KAZN: variants seen among roughly 807,000 people sequenced by gnomAD.
The protein encoded by KAZN is kazrin, periplakin interacting protein.
Under a neutral mutation model 87.4 loss-of-function variants are expected in KAZN, and 40 were observed. The observed-to-expected ratio is 0.46, with a 90% confidence interval of 0.36 to 0.60. The LOEUF is 0.60. Ranked by LOEUF, KAZN falls within the 20% of genes least tolerant of loss-of-function variation. The probability of loss-of-function intolerance (pLI) is 0.00; values close to 1 mark genes in which losing one functional copy is unlikely to be tolerated. For synonymous variants in KAZN, 466 were observed against 458.3 expected (o/e 1.02, Z -0.22); for missense variants, 898 against 1,073.9 (o/e 0.84, Z 2.29).
intron 6 of KAZN, 108 bp from the exon 7 acceptor site, chr1:15,063,464 T>G: frequency 1.1e-6 from 1 of 942,772 alleles, no homozygotes; most frequent in Non-Finnish European, 1.7e-6. Context: ...GGGTGGCCCC[T>G]GAGAGATGGC....
chr1:14,363,330 A>T (rs1427082616), intron 2 of KAZN, among the ~76,000 whole-genome samples: 1 of 152,170 alleles, frequency 6.6e-6, no homozygotes, highest in Non-Finnish European at 1.5e-5. Flanking sequence ...GGATGTTCTA[A>T]GGGCCTAGTA....
intron 2 of KAZN, among the ~76,000 whole-genome samples, chr1:14,573,814 C>G (rs1215086713): frequency 1.3e-5 from 2 of 151,994 alleles, no homozygotes; most frequent in African/African-American, 4.8e-5. Context: ...AAGATTGTCA[C>G]TTTTGAGGAT....
chr1:14,566,276 G>A (rs1032241010), intron 2 of KAZN, among the ~76,000 whole-genome samples: 4 of 152,172 alleles, frequency 2.6e-5, no homozygotes, highest in African/African-American at 9.7e-5. Context: ...CCTTGTCAAC[G>A]ACCAGTAATA....
In KAZN at chr1:14,887,836, A is replaced by G. The variant is rs539107599; in HGVS notation, c.227-72848A>G. Among the ~76,000 whole-genome samples the G allele has an allele frequency of 7.8e-4, 119 of 151,936 alleles. 1 individual carries two copies. Among genetic ancestry groups the G allele is most frequent in the African/African-American group, 2.8e-3 (114 of 41,444 alleles). On this transcript the variant is annotated intron_variant, in intron 1 of 14. Transcript: ENST00000376030. ...TTTCTCTGTCTCCATAATGATCTTT[A>G]TCATTAGGATGGATTAATTTCTCAT...
chr1:14,390,189 C>T (rs941762587), intron 2 of KAZN, among the ~76,000 whole-genome samples: 22 of 152,058 alleles, frequency 1.4e-4, no homozygotes, highest in African/African-American at 4.8e-4. Flanking sequence ...ATGTATTGAG[C>T]CTCTACTAGG....
intron 2 of KAZN, among the ~76,000 whole-genome samples, chr1:14,197,513 C>A (rs898442112): frequency 7.3e-5 from 11 of 151,520 alleles, no homozygotes; most frequent in Non-Finnish European, 1.5e-4. Context: ...CATGGCAAAA[C>A]CCTGTCTCTA....
chr1:14,591,501 A>G (rs1277128721), intron 2 of KAZN, among the ~76,000 whole-genome samples: 1 of 152,098 alleles, frequency 6.6e-6, no homozygotes, highest in Non-Finnish European at 1.5e-5. Context: ...CTACCAAGGA[A>G]TTAGAGACTT....
rs114479772 is a variant in KAZN at position 14,541,301 on chromosome 1, T to C, written c.250-57682T>C. Among the ~76,000 whole-genome samples, 673 of 152,318 alleles carry C rather than the reference T, an allele frequency of 4.4e-3. 5 individuals carry two copies. Among genetic ancestry groups the C allele is most frequent in the African/African-American group, 0.015 (625 of 41,570 alleles). Reference sequence around the variant, plus strand: ...CAAAATAGATACCCAATGTAATTTATGGGACAGACCAATGAAAAGGAAACA... The same window carrying C: ...CAAAATAGATACCCAATGTAATTTACGGGACAGACCAATGAAAAGGAAACA... On this transcript the variant is annotated intron_variant, in intron 2 of 16. Coordinates refer to the KAZN transcript ENST00000636203.
chr1:14,183,449 T>C (rs1646240512), intron 2 of KAZN, among the ~76,000 whole-genome samples: 1 of 152,156 alleles, frequency 6.6e-6, no homozygotes, highest in South Asian at 2.1e-4. Flanking sequence ...TCCATTTCCT[T>C]TTTAGTTTGC....
intron 2 of KAZN, among the ~76,000 whole-genome samples, chr1:14,515,544 C>T (rs1256453767): frequency 1.3e-5 from 2 of 152,316 alleles, no homozygotes; most frequent in South Asian, 2.1e-4. Flanking sequence ...TCTGCCTCCC[C>T]TCCATCCTTC....
At chr1:14,772,899 A>G (rs1342898331) in intron 1 of KAZN, among the ~76,000 whole-genome samples, 1 of 151,964 alleles carries the variant, frequency 6.6e-6, no homozygotes, top group East Asian at 1.9e-4. Context: ...GGCACACCAC[A>G]TTGGCCTTCT....
At chr1:14,346,958 A>C (rs745636815) in intron 2 of KAZN, among the ~76,000 whole-genome samples, 1 of 152,184 alleles carries the variant, frequency 6.6e-6, no homozygotes, top group Non-Finnish European at 1.5e-5. Flanking sequence ...CATATCACAG[A>C]ATATTATGTA....
chr1:14,745,139 A>G (rs1200990640), intron 1 of KAZN, among the ~76,000 whole-genome samples: 3 of 152,136 alleles, frequency 2.0e-5, no homozygotes, highest in African/African-American at 4.8e-5. Context: ...CCTGATCTGG[A>G]CAGTGCCCTG....
intron 1 of KAZN, among the ~76,000 whole-genome samples, chr1:14,146,492 C>T (rs757430251): frequency 2.1e-5 from 3 of 140,814 alleles, no homozygotes; most frequent in South Asian, 4.5e-4. Flanking sequence ...GCCAAGATTG[C>T]GCCATTGCAC....
intron 1 of KAZN, among the ~76,000 whole-genome samples, chr1:14,119,607 G>T (rs1644707280): frequency 6.6e-6 from 1 of 152,126 alleles, no homozygotes; most frequent in Admixed American, 6.6e-5. Context: ...TAACAGACAA[G>T]GGCTAGAGGA....
In KAZN at chr1:13,893,855, C is replaced by T. The variant is rs550978700; in HGVS notation, c.91+99C>T. The T allele has an allele frequency of 9.0e-6, 12 of 1,334,326 alleles. No homozygotes were observed. In the South Asian group the frequency reaches 1.4e-4, roughly 16 times the overall value. The allele number at this position is 1,334,326 out of a possible 1,614,324, so 82.7% of individuals were successfully genotyped here. On this transcript the variant is annotated intron_variant, in intron 1 of 16. Transcript: ENST00000636203. ...GGTCTGTGTGTGTCTGTGTGTCTGT[C>T]AGTCTACCTCATCTCTTTCTTGATA...
chr1:14,086,453 G>A (rs1643859785), intron 1 of KAZN, among the ~76,000 whole-genome samples: 1 of 152,064 alleles, frequency 6.6e-6, no homozygotes, highest in Admixed American at 6.6e-5. Context: ...CATATGGTAG[G>A]TATTTGGTTC....
At chr1:14,238,612 C>A (rs112418227) in intron 2 of KAZN, among the ~76,000 whole-genome samples, 8 of 152,374 alleles carry the variant, frequency 5.3e-5, no homozygotes, top group African/African-American at 1.7e-4. Context: ...CTTGGCCATC[C>A]GGGCTGGAGC....
intron 1 of KAZN, among the ~76,000 whole-genome samples, chr1:14,012,106 C>A (rs1008837203): frequency 6.6e-6 from 1 of 152,050 alleles, no homozygotes; most frequent in Non-Finnish European, 1.5e-5. Context: ...AAGTGAGAGA[C>A]CTGACTGTAG....
Sources: gnomAD v4.1 joint callset for allele counts (sites outside exome capture counted in the v4.1 genomes callset) on GRCh38, gnomAD v4.1.1 for gene constraint, MANE v1.5 for transcripts, NCBI Gene and HGNC (gene_info 2026-07-23, HGNC 2026-07-21) for gene names.